The following ZNF138 variants were observed in gnomAD, a reference collection of about 807,000 sequenced individuals.
ZNF138 encodes the protein zinc finger protein 138 (clone pHZ-32).
Under a neutral mutation model 33.0 loss-of-function variants are expected in ZNF138, and 33 were observed. The observed-to-expected ratio is 1.00, with a 90% CI of 0.76 to 1.34. The LOEUF is 1.34. Among genes scored for constraint, ZNF138 ranks in the 40% most tolerant of loss-of-function variants. The pLI, the probability that ZNF138 is intolerant of heterozygous loss-of-function variation, is 0.00. For missense variants in ZNF138, 360 were observed against 370.8 expected, an observed-to-expected ratio of 0.97 and a Z score of 0.24; for synonymous variants, 139 against 120.4, an observed-to-expected ratio of 1.15 and a Z score of -1.01.
intron 3 of ZNF138, 67 bp from the exon 4 acceptor site, chr7:64,831,384 A>G (rs192027572): frequency 7.4e-7 from 1 of 1,346,938 alleles, no homozygotes; most frequent in East Asian, 2.3e-5. Flanking sequence ...TTTATAGGTT[A>G]GATTTGTAAA....
chr7:64,829,842 T>G (rs1294212324), intron 3 of ZNF138, among the ~76,000 whole-genome samples: 2 of 152,144 alleles, frequency 1.3e-5, no homozygotes, highest in Non-Finnish European at 2.9e-5. Context: ...CCATTTTGTG[T>G]ATATGCATGT....
At chr7:64,847,541 G>A in the ZNF138 span, among the ~76,000 whole-genome samples, 55 of 151,876 alleles carry the variant, frequency 3.6e-4, no homozygotes, top group East Asian at 0.01. Context: ...ACCAGTGTTA[G>A]GTGCATATAT....
chr7:64,859,229 T>TCATTTTTAG, the ZNF138 span, among the ~76,000 whole-genome samples: 3 of 152,078 alleles, frequency 2.0e-5, no homozygotes, highest in African/African-American at 7.2e-5. Flanking sequence ...CCTGGACAAC[T>TCATTTTTAG]TTGTCATTTT....
chr7:64,812,293 G>A (rs1788238374), intron 1 of ZNF138, among the ~76,000 whole-genome samples: 1 of 139,690 alleles, frequency 7.2e-6, no homozygotes, highest in Non-Finnish European at 1.5e-5. Context: ...TGAGTACCTG[G>A]GACTACAGGT....
chr7:64,819,613 C>T (rs113672472), intron 3 of ZNF138, among the ~76,000 whole-genome samples: 7,170 of 152,198 alleles, frequency 0.047, 217 homozygotes, highest in East Asian at 0.14. Flanking sequence ...AGGCAATCTG[C>T]CCGCCTCATC....
chr7:64,836,294 A>T (rs1790363421), downstream of ZNF138: 1 of 152,182 alleles, frequency 6.6e-6, no homozygotes, highest in African/African-American at 2.4e-5. Flanking sequence ...AAGCAGTGGG[A>T]GAGGTTTTGT....
intron 1 of ZNF138, among the ~76,000 whole-genome samples, chr7:64,809,601 C>T (rs1243619580): frequency 6.7e-6 from 1 of 148,606 alleles, no homozygotes; most frequent in Admixed American, 6.6e-5. Flanking sequence ...GGCTGACCCC[C>T]CCCACACCTC....
chr7:64,823,288 T>G (rs1210048883), intron 3 of ZNF138, among the ~76,000 whole-genome samples: 4 of 152,088 alleles, frequency 2.6e-5, no homozygotes, highest in Admixed American at 2.6e-4. Flanking sequence ...TTCCTAGGTT[T>G]ATTCAGTTTT....
chr7:64,815,425 C>T (rs939498754), intron 2 of ZNF138, 151 bp from the exon 3 acceptor site: 23 of 521,848 alleles, frequency 4.4e-5, no homozygotes, highest in Non-Finnish European at 6.6e-5. Context: ...TTAGAATTTT[C>T]TGTTATATAT....
chr7:64,833,087 G>A lies in ZNF138; in HGVS notation c.*885G>A. ...TAATTTATACTGGAGCAAAACCTTG[G>A]AAATTCAAAGAATGTGGTAAAACTT... is the stretch of plus-strand genomic sequence containing the variant. On this transcript the variant is annotated 3_prime_UTR_variant, in exon 4 of 4. Transcript: ENST00000307355. 3.5e-6 allele frequency: 1 copy of A among 285,248 alleles called. No individual in the cohort carries two copies. The highest frequency in any genetic ancestry group is 7.2e-6 in the Non-Finnish European group (1 of 139,252). The allele number at this position is 285,248 out of a possible 1,614,324, so 17.7% of individuals were successfully genotyped here. A position where few individuals can be genotyped will look rare whatever the true frequency, so the allele number is the denominator to read the frequency against.
downstream of ZNF138, among the ~76,000 whole-genome samples, chr7:64,834,769 T>C (rs1244580956): frequency 2.6e-5 from 4 of 151,994 alleles, no homozygotes; most frequent in African/African-American, 9.7e-5. Context: ...TAATATTGAG[T>C]GATGTATGAG....
chr7:64,817,413 T>G (rs534820158), intron 3 of ZNF138, among the ~76,000 whole-genome samples: 6 of 146,804 alleles, frequency 4.1e-5, no homozygotes, highest in Non-Finnish European at 6.0e-5. Context: ...AATCTTGCAG[T>G]TTGCCACCTG....
the ZNF138 span, among the ~76,000 whole-genome samples, chr7:64,848,416 T>C: frequency 2.0e-5 from 3 of 151,990 alleles, no homozygotes; most frequent in Admixed American, 1.3e-4. Flanking sequence ...TGAACTTCTT[T>C]CTTCTGCTTG....
chr7:64,798,938 T>C (rs1227659062), intron 1 of ZNF138, among the ~76,000 whole-genome samples: 2 of 151,600 alleles, frequency 1.3e-5, no homozygotes, highest in African/African-American at 2.4e-5. Context: ...ACTACCATGC[T>C]GCTTTGGTTA....
intron 3 of ZNF138, among the ~76,000 whole-genome samples, chr7:64,824,696 T>G (rs1035930042): frequency 1.3e-5 from 2 of 152,192 alleles, no homozygotes; most frequent in African/African-American, 4.8e-5. Flanking sequence ...AATTTACCCA[T>G]TTTAGTATTA....
In ZNF138 at chr7:64,832,352, A is replaced by G. The variant is rs1012687640; in HGVS notation, c.*150A>G. 33 of 1,565,412 alleles carry G rather than the reference A, an allele frequency of 2.1e-5. No individual in the cohort carries two copies. Among genetic ancestry groups the G allele is most frequent in the Non-Finnish European group, 2.8e-5 (33 of 1,160,788 alleles). On this transcript the variant is annotated 3_prime_UTR_variant, in exon 4 of 4. Coordinates refer to ENST00000307355, the MANE Select transcript of ZNF138 (RefSeq NM_001271639.2). ...CCCACAAATGTGAAGAATGTGGCAGAGCTTTTAACCAGTCCGCAAAGCTCA... is the reference window on the plus strand; with the variant it reads ...CCCACAAATGTGAAGAATGTGGCAGGGCTTTTAACCAGTCCGCAAAGCTCA...
Position 64,831,840 on chromosome 7 carries a change from T to C in ZNF138, c.598T>C (p.Cys200Arg), listed in dbSNP as rs758616999. The C allele has an allele frequency of 3.0e-5, 48 of 1,613,642 alleles. No homozygotes were observed. The highest frequency in any genetic ancestry group is 1.7e-4 in the Middle Eastern group (1 of 6,042). ...AGAGAATTTCTACAAATGTGAAGAG[T>C]GTGGAAAAACCTTTAACTGGTCCAC... Reference protein sequence around the residue: ...TRENFYKCEECGKTFNWSTNL... With the variant: ...TRENFYKCEERGKTFNWSTNL... The change falls in exon 4 of 4, where the codon TGT becomes CGT. Residue 200 changes from cysteine to arginine, a missense_variant. By Grantham distance (180) the Cys-to-Arg change is radical (BLOSUM62 -3). Coordinates refer to ENST00000307355, the MANE Select transcript of ZNF138 (RefSeq NM_001271639.2).
intron 1 of ZNF138, among the ~76,000 whole-genome samples, chr7:64,797,297 TAATAA>T (rs1786766328): frequency 6.6e-6 from 1 of 152,208 alleles, no homozygotes; most frequent in Non-Finnish European, 1.5e-5. Context: ...TTAATGGATA[TAATAA>T]AATAATTATT....
the ZNF138 span, among the ~76,000 whole-genome samples, chr7:64,855,358 G>C: frequency 6.6e-6 from 1 of 152,096 alleles, no homozygotes; most frequent in Non-Finnish European, 1.5e-5. Flanking sequence ...AATATTCCTG[G>C]TAAGTCAGAG....
Sources: gnomAD v4.1 joint callset for allele counts (sites outside exome capture counted in the v4.1 genomes callset) on GRCh38, gnomAD v4.1.1 for gene constraint, MANE v1.5 for transcripts, NCBI Gene and HGNC (gene_info 2026-07-23, HGNC 2026-07-21) for gene names.